Variants in RNLS observed in about 807,000 individuals in gnomAD.
The protein encoded by RNLS is renalase.
A neutral mutation model predicts 39.8 loss-of-function variants in RNLS; 39 were observed. The observed-to-expected ratio is 0.98, with a 90% CI of 0.76 to 1.28. The LOEUF (loss-of-function observed/expected upper bound fraction) is 1.28. Among genes scored for constraint, RNLS ranks in the 50% most tolerant of loss-of-function variants. The pLI is 0.00. For missense variants in RNLS, 410 were observed against 413.3 expected (o/e 0.99, Z 0.07); for synonymous variants, 147 against 150.7 (o/e 0.98, Z 0.18).
intron 4 of RNLS, among the ~76,000 whole-genome samples, chr10:88,484,017 G>A (rs549857670): frequency 1.2e-4 from 19 of 152,046 alleles, no homozygotes; most frequent in South Asian, 2.1e-4. Flanking sequence ...TGTGAATAAC[G>A]TAATTTATTA....
At chr10:88,262,054 G>A in the RNLS span, among the ~76,000 whole-genome samples, 123 of 152,314 alleles carry the variant, frequency 8.1e-4, no homozygotes, top group Non-Finnish European at 1.1e-3. Flanking sequence ...CTACACAGAG[G>A]CGGAGGCAGG....
intron 4 of RNLS, among the ~76,000 whole-genome samples, chr10:88,431,131 T>C (rs1855112682): frequency 6.6e-6 from 1 of 151,728 alleles, no homozygotes; most frequent in South Asian, 2.1e-4. Flanking sequence ...AGGTTTTAAC[T>C]ACAAATTCAA....
At position 88,425,860 on chromosome 10, in the gene RNLS, A is replaced by AGTAG. The variant is rs565870118; in HGVS notation, c.527-63139_527-63136dup. On this transcript the variant is annotated intron_variant, in intron 4 of 6. Transcript: ENST00000331772. ...AAGACATTCCAAAAAGAATGGTAAG[A>AGTAG]GTAGGGCACAGATACAGGAAAACAC... Among the ~76,000 whole-genome samples, 108 of 152,162 alleles carry AGTAG rather than the reference A, an allele frequency of 7.1e-4. 1 individual carries two copies. In the South Asian group the frequency reaches 8.5e-3, roughly 12 times the overall value.
chr10:88,362,806 A>T, intron 4 of RNLS, 81 bp from the exon 5 acceptor site: 1 of 1,300,862 alleles, frequency 7.7e-7, no homozygotes, highest in Non-Finnish European at 1.0e-6. Context: ...ATTCCTTTAA[A>T]CCAGTTACAA....
chr10:88,203,266 ATG>A, the RNLS span, among the ~76,000 whole-genome samples: 152 of 10,118 alleles, frequency 0.015, 15 homozygotes, highest in African/African-American at 0.07. Flanking sequence ...GTGTGTGTGT[ATG>A]TATATATATA....
At chr10:88,192,651 GT>G in the RNLS span, among the ~76,000 whole-genome samples, 2 of 152,186 alleles carry the variant, frequency 1.3e-5, no homozygotes, top group Admixed American at 6.5e-5. Flanking sequence ...ATGGAACATA[GT>G]TTTGGGAACA....
chr10:88,576,359 G>C (rs909871803), intron 3 of RNLS, among the ~76,000 whole-genome samples: 4 of 152,170 alleles, frequency 2.6e-5, no homozygotes, highest in African/African-American at 9.6e-5. Context: ...AGTCTAAGAA[G>C]GTTTAAACAT....
intron 4 of RNLS, among the ~76,000 whole-genome samples, chr10:88,553,389 TGA>T (rs1195838660): frequency 6.6e-6 from 1 of 152,198 alleles, no homozygotes; most frequent in Admixed American, 6.6e-5. Context: ...TCCTGCAGTC[TGA>T]GAGTTCCAGG....
At chr10:88,484,530 G>A (rs995124260) in intron 4 of RNLS, among the ~76,000 whole-genome samples, 4 of 151,772 alleles carry the variant, frequency 2.6e-5, no homozygotes, top group African/African-American at 9.7e-5. Context: ...AATAACAAGG[G>A]GAAAAAGAAC....
At chr10:88,481,722 A>G (rs751684896) in intron 4 of RNLS, among the ~76,000 whole-genome samples, 1 of 152,146 alleles carries the variant, frequency 6.6e-6, no homozygotes, top group Admixed American at 6.5e-5. Flanking sequence ...AGAAGTTACT[A>G]TGTGAGAAAA....
In RNLS at chr10:88,312,989, C is replaced by T. The variant is rs147339451; in HGVS notation, c.876+1477G>A. Among the ~76,000 whole-genome samples the T allele has an allele frequency of 9.1e-3, 1,383 of 152,202 alleles. 19 individuals carry two copies. Among genetic ancestry groups the T allele is most frequent in the African/African-American group, 0.027 (1,110 of 41,512 alleles). ...ACTTACTCCCTTTCAGGTTTTGCAGCCAATGTAGACTTCATGACTTCAGAG... is the reference window on the plus strand; with the variant it reads ...ACTTACTCCCTTTCAGGTTTTGCAGTCAATGTAGACTTCATGACTTCAGAG... On this transcript the variant is annotated intron_variant, in intron 6 of 6. Transcript: ENST00000331772.
intron 6 of RNLS, among the ~76,000 whole-genome samples, chr10:88,299,724 G>T (rs1844371016): frequency 6.6e-6 from 1 of 152,178 alleles, no homozygotes; most frequent in Non-Finnish European, 1.5e-5. Flanking sequence ...TCAGGTCTAT[G>T]ATCCATTTTT....
chr10:88,504,351 CT>C (rs949734681), intron 4 of RNLS, among the ~76,000 whole-genome samples: 5 of 151,678 alleles, frequency 3.3e-5, no homozygotes, highest in Non-Finnish European at 7.4e-5. Context: ...TATTAGGTTT[CT>C]TTTTTTTAAA....
chr10:88,245,805 G>A, the RNLS span, among the ~76,000 whole-genome samples: 1 of 152,160 alleles, frequency 6.6e-6, no homozygotes, highest in Non-Finnish European at 1.5e-5. Context: ...TGAAAACCCA[G>A]AGCATCAAAT....
chr10:88,451,211 A>G (rs968915716), intron 4 of RNLS, among the ~76,000 whole-genome samples: 1 of 152,148 alleles, frequency 6.6e-6, no homozygotes, highest in Non-Finnish European at 1.5e-5. Context: ...GAAGAAAGAT[A>G]ATCTACCTCC....
intron 4 of RNLS, among the ~76,000 whole-genome samples, chr10:88,480,490 T>G (rs1015002647): frequency 1.3e-5 from 2 of 152,244 alleles, no homozygotes; most frequent in Non-Finnish European, 2.9e-5. Flanking sequence ...GGTGCAACCT[T>G]GGCTCACTAC....
the RNLS span, among the ~76,000 whole-genome samples, chr10:88,211,135 T>A: frequency 6.6e-6 from 1 of 152,164 alleles, no homozygotes; most frequent in South Asian, 2.1e-4. Context: ...ATTCTTTGCT[T>A]TAAATATCGA....
the RNLS span, among the ~76,000 whole-genome samples, chr10:88,252,213 T>G: frequency 6.6e-6 from 1 of 152,146 alleles, no homozygotes; most frequent in Non-Finnish European, 1.5e-5. Context: ...ATATCCAATT[T>G]ATGTGCCATC....
chr10:88,433,873 T>A (rs1855287608), intron 4 of RNLS, among the ~76,000 whole-genome samples: 1 of 152,152 alleles, frequency 6.6e-6, no homozygotes, highest in African/African-American at 2.4e-5. Flanking sequence ...AATATGCTTA[T>A]AATTATTTCA....
Sources: gnomAD v4.1 joint callset for allele counts (sites outside exome capture counted in the v4.1 genomes callset) on GRCh38, gnomAD v4.1.1 for gene constraint, MANE v1.5 for transcripts, NCBI Gene and HGNC (gene_info 2026-07-23, HGNC 2026-07-21) for gene names.